Variants in CFDP1 observed in about 807,000 individuals in gnomAD.
The protein encoded by CFDP1 is chromatin remodeling protein CFDP1, also known as heterochromatin-stabilizing protein CFDP1.
A neutral mutation model predicts 40.1 loss-of-function variants in CFDP1; 31 were observed. The ratio of observed to expected loss-of-function variants is 0.77; its 90% CI spans 0.58 to 1.04. The LOEUF (loss-of-function observed/expected upper bound fraction) is 1.04. Among genes scored for constraint, CFDP1 ranks in the 50% least tolerant of loss-of-function variants. The pLI, the probability that CFDP1 is intolerant of heterozygous loss-of-function variation, is 0.00. For synonymous variants in CFDP1, 167 were observed against 120.0 expected, an observed-to-expected ratio of 1.39 and a Z score of -2.56; for missense variants, 423 against 343.4, an observed-to-expected ratio of 1.23 and a Z score of -1.83.
chr16:75,416,699 G>C (rs1439172376), intron 1 of CFDP1, among the ~76,000 whole-genome samples: 1 of 152,134 alleles, frequency 6.6e-6, no homozygotes, highest in South Asian at 2.1e-4. Flanking sequence ...AGTGAGCCAA[G>C]ATCACACCAC....
At chr16:75,421,978 A>G (rs940751509) in intron 1 of CFDP1, among the ~76,000 whole-genome samples, 1 of 152,224 alleles carries the variant, frequency 6.6e-6, no homozygotes, top group Non-Finnish European at 1.5e-5. Context: ...AACACCCAAT[A>G]TAAGTGCTAT....
intron 5 of CFDP1, among the ~76,000 whole-genome samples, chr16:75,328,845 AT>A (rs569396422): frequency 0.012 from 1,544 of 131,544 alleles, 18 homozygotes; most frequent in African/African-American, 0.036. Context: ...TGCTCAGCGA[AT>A]TTTTTTTTTT....
intron 1 of CFDP1, among the ~76,000 whole-genome samples, chr16:75,426,235 AGCTACTCAGGAG>A (rs1263691809): frequency 6.6e-6 from 1 of 151,496 alleles, no homozygotes; most frequent in Non-Finnish European, 1.5e-5. Flanking sequence ...CTGCAATCCC[AGCTACTCAGGAG>A]GCTGAGGCAG....
intron 5 of CFDP1, among the ~76,000 whole-genome samples, chr16:75,352,582 TA>T (rs2078620809): frequency 6.6e-6 from 1 of 152,148 alleles, no homozygotes; most frequent in South Asian, 2.1e-4. Context: ...AAAAAAATAA[TA>T]ATTTTATTAC....
intron 1 of CFDP1, among the ~76,000 whole-genome samples, chr16:75,416,435 T>A: frequency 6.8e-6 from 1 of 146,390 alleles, no homozygotes; most frequent in Non-Finnish European, 1.5e-5. Context: ...AAAAAGCTCG[T>A]AAAAACTAAA....
chr16:75,341,717 T>C (rs1033050896), intron 5 of CFDP1, among the ~76,000 whole-genome samples: 1 of 151,988 alleles, frequency 6.6e-6, no homozygotes, highest in Non-Finnish European at 1.5e-5. Context: ...GCTCCAGCCA[T>C]AGCATTTCTG....
At chr16:75,383,614 A>T (rs1299441662) in intron 5 of CFDP1, among the ~76,000 whole-genome samples, 1 of 152,028 alleles carries the variant, frequency 6.6e-6, no homozygotes, top group African/African-American at 2.4e-5. Context: ...AGGTCAAGTG[A>T]TCGAGACCAT....
intron 5 of CFDP1, among the ~76,000 whole-genome samples, chr16:75,369,226 T>C (rs35415181): frequency 0.52 from 79,525 of 151,792 alleles, 21,785 homozygotes; most frequent in Admixed American, 0.64. Flanking sequence ...AAATTATTTT[T>C]ATTTAGGGAA....
intron 4 of CFDP1, among the ~76,000 whole-genome samples, chr16:75,407,477 A>G (rs538093667): frequency 6.6e-6 from 1 of 151,904 alleles, no homozygotes; most frequent in South Asian, 2.1e-4. Context: ...AGGAGGTTCA[A>G]GAGCAGCCTG....
chr16:75,421,801 C>A (rs1308354688), intron 1 of CFDP1, among the ~76,000 whole-genome samples: 3 of 152,154 alleles, frequency 2.0e-5, no homozygotes, highest in African/African-American at 7.2e-5. Flanking sequence ...AAATCCTCGA[C>A]AAAATACGGC....
intron 5 of CFDP1, among the ~76,000 whole-genome samples, chr16:75,314,006 T>G (rs949955548): frequency 3.3e-5 from 5 of 152,148 alleles, no homozygotes; most frequent in African/African-American, 1.2e-4. Flanking sequence ...TGCCTCAGCC[T>G]CCCGAGTAGC....
intron 1 of CFDP1, among the ~76,000 whole-genome samples, chr16:75,423,330 T>G: frequency 6.7e-6 from 1 of 149,684 alleles, no homozygotes. Context: ...GCATCTGTAG[T>G]CCCAGGTACC....
chr16:75,333,928 A>G (rs913179342), intron 5 of CFDP1, among the ~76,000 whole-genome samples: 3 of 152,214 alleles, frequency 2.0e-5, no homozygotes, highest in Admixed American at 1.3e-4. Flanking sequence ...TGGTGGTTAG[A>G]GCAAGGCGTG....
intron 2 of CFDP1, among the ~76,000 whole-genome samples, chr16:75,413,635 T>G (rs2079181439): frequency 6.6e-6 from 1 of 152,282 alleles, no homozygotes. Flanking sequence ...CTTAGACTAT[T>G]TTGACTTTAG....
At chr16:75,384,882 A>AGCAGACCAAAAAC (rs2078881104) in intron 5 of CFDP1, among the ~76,000 whole-genome samples, 1 of 31,244 alleles carries the variant, frequency 3.2e-5, no homozygotes, top group African/African-American at 6.8e-5. Flanking sequence ...ATATATATAT[A>AGCAGACCAAAAAC]TATATATATA....
chr16:75,295,761 G>C (rs1465243816), intron 6 of CFDP1, among the ~76,000 whole-genome samples: 3 of 152,186 alleles, frequency 2.0e-5, no homozygotes, highest in Non-Finnish European at 4.4e-5. Flanking sequence ...AGGCTGCCTG[G>C]CTGAATTCGA....
At chr16:75,418,600 C>T (rs1422832448) in intron 1 of CFDP1, among the ~76,000 whole-genome samples, 4 of 152,060 alleles carry the variant, frequency 2.6e-5, no homozygotes, top group South Asian at 4.1e-4. Context: ...TGAGCCAACG[C>T]GCCCGGCTAA....
intron 4 of CFDP1, among the ~76,000 whole-genome samples, chr16:75,404,061 G>T (rs1284399278): frequency 2.6e-5 from 4 of 151,522 alleles, no homozygotes; most frequent in African/African-American, 7.3e-5. Context: ...GAACCCAGGA[G>T]GCGGAGGTTG....
intron 5 of CFDP1, among the ~76,000 whole-genome samples, chr16:75,344,379 A>T (rs2078547656): frequency 6.6e-6 from 1 of 152,336 alleles, no homozygotes; most frequent in South Asian, 2.1e-4. Context: ...AAACAAAGGA[A>T]ATCAGGTGTC....
Sources: allele counts gnomAD v4.1 joint callset (sites outside exome capture counted in the v4.1 genomes callset), GRCh38; gene constraint gnomAD v4.1.1; transcripts MANE v1.5; gene names NCBI Gene and HGNC (gene_info 2026-07-23, HGNC 2026-07-21).